The following MACROD2 variants were observed in gnomAD, a reference collection of about 807,000 sequenced individuals.
The protein encoded by MACROD2 is mono-ADP ribosylhydrolase 2, also known as ADP-ribose glycohydrolase MACROD2.
Under a neutral mutation model 70.4 loss-of-function variants are expected in MACROD2, and 36 were observed. The ratio of observed to expected loss-of-function variants is 0.51; its 90% CI spans 0.39 to 0.68. MACROD2 has a LOEUF of 0.68. Among genes scored for constraint, MACROD2 ranks in the 30% least tolerant of loss-of-function variants. The pLI is 0.00. For synonymous variants in MACROD2, 172 were observed against 178.8 expected, an observed-to-expected ratio of 0.96 and a Z score of 0.30; for missense variants, 496 against 538.4, an observed-to-expected ratio of 0.92 and a Z score of 0.78.
intron 3 of MACROD2, among the ~76,000 whole-genome samples, chr20:14,426,779 T>G (rs1368540697): frequency 6.6e-6 from 1 of 151,978 alleles, no homozygotes; most frequent in Non-Finnish European, 1.5e-5. Flanking sequence ...GGAGGAAAAA[T>G]GGGGAGATTC....
At chr20:15,651,795 T>G (rs1160587165) in intron 8 of MACROD2, among the ~76,000 whole-genome samples, 1 of 152,220 alleles carries the variant, frequency 6.6e-6, no homozygotes, top group Non-Finnish European at 1.5e-5. Flanking sequence ...CATCTCGATC[T>G]CTATAAATTT....
chr20:15,130,990 A>C (rs1020221333), intron 5 of MACROD2, among the ~76,000 whole-genome samples: 34 of 152,060 alleles, frequency 2.2e-4, no homozygotes, highest in Non-Finnish European at 7.4e-5. Flanking sequence ...ACTCCAAAAC[A>C]CTAACCAAGA....
At chr20:14,419,821 T>G (rs905230088) in intron 3 of MACROD2, among the ~76,000 whole-genome samples, 2 of 152,134 alleles carry the variant, frequency 1.3e-5, no homozygotes, top group East Asian at 3.9e-4. Flanking sequence ...TTTTTTCTCT[T>G]TTGTTCCATT....
intron 5 of MACROD2, among the ~76,000 whole-genome samples, chr20:14,830,853 A>G (rs2122234706): frequency 6.6e-6 from 1 of 152,254 alleles, no homozygotes; most frequent in South Asian, 2.1e-4. Flanking sequence ...CAGACCCACA[A>G]TACCAGCCTG....
chr20:14,250,370 T>C (rs1216207349), intron 3 of MACROD2, among the ~76,000 whole-genome samples: 4 of 152,056 alleles, frequency 2.6e-5, no homozygotes, highest in African/African-American at 2.4e-5. Context: ...CTTTGAAAAA[T>C]AGAAATCATC....
rs1293698259 is a variant in MACROD2 at position 15,086,598 on chromosome 20, T to C, written c.419-143342T>C. ...TCCAGTGATCATCATTTTGATTCTTTATTTTACCTACCCTTTAGTCTGTTC... is the reference window on the plus strand; with the variant it reads ...TCCAGTGATCATCATTTTGATTCTTCATTTTACCTACCCTTTAGTCTGTTC... On this transcript the variant is annotated intron_variant, in intron 5 of 17. Coordinates refer to ENST00000684519, the MANE Select transcript of MACROD2 (RefSeq NM_001351661.2). Among the ~76,000 whole-genome samples, 3 of 152,328 alleles carry C rather than the reference T, an allele frequency of 2.0e-5. No individual in the cohort carries two copies. In the East Asian group the frequency reaches 5.8e-4, roughly 29 times the overall value.
intron 8 of MACROD2, among the ~76,000 whole-genome samples, chr20:15,633,549 A>G (rs1030279826): frequency 2.7e-5 from 4 of 146,584 alleles, no homozygotes; most frequent in African/African-American, 1.1e-4. Context: ...CTTATTTGCC[A>G]TAATAGAAGC....
chr20:15,997,691 T>G (rs1244466073), intron 15 of MACROD2, among the ~76,000 whole-genome samples: 6 of 152,186 alleles, frequency 3.9e-5, no homozygotes, highest in Non-Finnish European at 7.4e-5. Context: ...TTCTTTTTCT[T>G]GCTTAATTGC....
At chr20:14,506,036 G>A (rs2084965684) in intron 4 of MACROD2, among the ~76,000 whole-genome samples, 1 of 152,196 alleles carries the variant, frequency 6.6e-6, no homozygotes, top group African/African-American at 2.4e-5. Flanking sequence ...ATCTGCAAGG[G>A]TTGGGAGTGT....
chr20:14,537,295 G>C (rs1386735976), intron 4 of MACROD2, among the ~76,000 whole-genome samples: 1 of 152,184 alleles, frequency 6.6e-6, no homozygotes, highest in African/African-American at 2.4e-5. Flanking sequence ...ATGAGGGAGA[G>C]TGAGGCAGCT....
chr20:15,302,189 C>T (rs1435206725), intron 6 of MACROD2, among the ~76,000 whole-genome samples: 1 of 152,154 alleles, frequency 6.6e-6, no homozygotes, highest in Non-Finnish European at 1.5e-5. Flanking sequence ...AATCCAAAGC[C>T]GTTTCTTAGC....
chr20:14,357,552 A>G (rs921558701), intron 3 of MACROD2, among the ~76,000 whole-genome samples: 1 of 152,214 alleles, frequency 6.6e-6, no homozygotes, highest in African/African-American at 2.4e-5. Context: ...CTCTAGAATG[A>G]AAGAAAAGAA....
rs778610056 is a variant in MACROD2 at position 15,641,558 on chromosome 20, G to C, written c.645+141711G>C. Among the ~76,000 whole-genome samples the C allele has an allele frequency of 7.9e-5, 12 of 152,184 alleles. No individual in the cohort carries two copies. The East Asian group carries it at 9.6e-4, about 12-fold the overall frequency. The stretch of plus-strand genomic sequence containing the variant: ...ATGGAATCTGGTATATAATGCAACA[G>C]AGCTCCATTATTAGTGGAGAAGATG... On this transcript the variant is annotated intron_variant, in intron 8 of 17. Coordinates refer to ENST00000684519, the MANE Select transcript of MACROD2 (RefSeq NM_001351661.2).
chr20:14,118,995 G>C (rs537300373), intron 3 of MACROD2, among the ~76,000 whole-genome samples: 1 of 151,162 alleles, frequency 6.6e-6, no homozygotes, highest in Non-Finnish European at 1.5e-5. Flanking sequence ...ACAGGCACCC[G>C]CCACCATGCT....
chr20:15,403,518 ACTT>A (rs776916510), intron 6 of MACROD2, among the ~76,000 whole-genome samples: 139 of 152,064 alleles, frequency 9.1e-4, no homozygotes, highest in Middle Eastern at 3.4e-3. Context: ...ACCCACTTTT[ACTT>A]CTTTGTTAAC....
At chr20:15,419,048 C>T (rs1011358497) in intron 6 of MACROD2, among the ~76,000 whole-genome samples, 21 of 152,184 alleles carry the variant, frequency 1.4e-4, no homozygotes, top group African/African-American at 4.6e-4. Context: ...CAGAAGCAGA[C>T]TCTGGGATAA....
At chr20:15,318,649 A>G (rs894195027) in intron 6 of MACROD2, among the ~76,000 whole-genome samples, 1 of 152,178 alleles carries the variant, frequency 6.6e-6, no homozygotes, top group Non-Finnish European at 1.5e-5. Flanking sequence ...TATCACAGAA[A>G]TGCCAGAGTC....
intron 5 of MACROD2, among the ~76,000 whole-genome samples, chr20:14,921,821 T>G (rs539727518): frequency 1.3e-5 from 2 of 152,316 alleles, no homozygotes; most frequent in South Asian, 4.1e-4. Context: ...AATTATTTAC[T>G]CAAACATTTC....
At chr20:14,053,392 A>T (rs1034947637) in intron 2 of MACROD2, 11 of 152,108 alleles carry the variant, frequency 7.2e-5, no homozygotes, top group African/African-American at 2.7e-4. Context: ...TCTTCTTTTA[A>T]TGTGGAAAAA....
Sources: allele counts gnomAD v4.1 joint callset (sites outside exome capture counted in the v4.1 genomes callset), GRCh38; gene constraint gnomAD v4.1.1; transcripts MANE v1.5; gene names NCBI Gene and HGNC (gene_info 2026-07-23, HGNC 2026-07-21).